The following TGFBI variants were observed in gnomAD, a reference collection of about 807,000 sequenced individuals.
TGFBI encodes the protein transforming growth factor beta induced, also known as transforming growth factor-beta-induced protein ig-h3.
TGFBI carries 50 observed loss-of-function variants against 73.7 expected under a neutral mutation model. That is an observed-to-expected ratio of 0.68 (90% CI 0.54 to 0.86). TGFBI has a LOEUF of 0.86. Among genes scored for constraint, TGFBI ranks in the 40% least tolerant of loss-of-function variants. The probability of loss-of-function intolerance (pLI) is 0.00; values close to 1 mark genes in which losing one functional copy is unlikely to be tolerated. For synonymous variants in TGFBI, 362 were observed against 360.5 expected (o/e 1.00, Z -0.05); for missense variants, 839 against 877.0 (o/e 0.96, Z 0.55).
chr5:136,035,295 C>T (rs1751197233), intron 2 of TGFBI, among the ~76,000 whole-genome samples: 1 of 152,158 alleles, frequency 6.6e-6, no homozygotes, highest in South Asian at 2.1e-4. Context: ...AATTATACAC[C>T]ACCCATTCTT....
chr5:136,055,916 A>G, intron 11 of TGFBI, 100 bp downstream of exon 11: 1 of 1,333,480 alleles, frequency 7.5e-7, no homozygotes, highest in Non-Finnish European at 1.0e-6. Context: ...TACCTTGGGG[A>G]TTCAATTAAC....
At chr5:136,056,272 A>G (rs1243762772) in intron 11 of TGFBI, among the ~76,000 whole-genome samples, 1 of 152,074 alleles carries the variant, frequency 6.6e-6, no homozygotes, top group Non-Finnish European at 1.5e-5. Context: ...GTGCTGTCAT[A>G]TTGAATGTTT....
chr5:136,054,678 C>T, intron 9 of TGFBI, 38 bp from the exon 10 acceptor site: 1 of 1,613,408 alleles, frequency 6.2e-7, no homozygotes, highest in Non-Finnish European at 8.5e-7. Context: ...ATTGCAGGAG[C>T]ACATCTCTCT....
At chr5:136,032,764 C>T (rs553263945) in intron 1 of TGFBI, among the ~76,000 whole-genome samples, 4 of 152,118 alleles carry the variant, frequency 2.6e-5, no homozygotes, top group Admixed American at 1.3e-4. Context: ...TGACTGACCA[C>T]GTAGCACAGC....
rs963866712 is a variant in TGFBI at position 136,063,540 on chromosome 5, G to A, written c.*314G>A. ...TGCCTATGCCAAGTCCCTGGAAAAG[G>A]AGCTTCAGTATTGTGGGGCTCATAA... On this transcript the variant is annotated 3_prime_UTR_variant, in exon 17 of 17. Transcript: ENST00000442011. 2.0e-5 allele frequency: 7 copies of A among 350,370 alleles called. No individual in the cohort carries two copies. In the South Asian group the frequency reaches 2.5e-4, roughly 12 times the overall value. 21.7% of individuals were successfully genotyped at this position (350,370 alleles called of 1,614,324 possible).
chr5:136,051,728 C>T (rs898241141), intron 7 of TGFBI, among the ~76,000 whole-genome samples: 3 of 152,214 alleles, frequency 2.0e-5, no homozygotes, highest in African/African-American at 7.2e-5. Context: ...CCTGGCCCTG[C>T]TCACCCTCCA....
chr5:136,052,887 T>C lies in TGFBI; in HGVS notation c.914-20T>C. Reference sequence around the variant, plus strand: ...TCGTGGAGTGGACCCTGACTTGACCTGAGTCTGTTTGGACCCCAGACCTGC... The same window carrying C: ...TCGTGGAGTGGACCCTGACTTGACCCGAGTCTGTTTGGACCCCAGACCTGC... On this transcript the variant is annotated intron_variant, in intron 7 of 16. Transcript: ENST00000442011. The C allele has an allele frequency of 6.2e-7, 1 of 1,610,934 alleles. No homozygotes were observed. The highest frequency in any genetic ancestry group is 2.2e-5 in the East Asian group (1 of 44,814).
Position 136,029,142 on chromosome 5 carries a change from C to G in TGFBI, c.87C>G (p.Pro29=). Residue 29 remains proline, a synonymous_variant, in exon 1 of 17, where the codon CCC becomes CCG. Transcript: ENST00000442011. Reference sequence around the variant, plus strand: ...CCCTGGCGGGTCCCGCCAAGTCGCCCTACCAGCTGGTGCTGCAGCACAGCA... The same window carrying G: ...CCCTGGCGGGTCCCGCCAAGTCGCCGTACCAGCTGGTGCTGCAGCACAGCA... ...AATLAGPAKS[P]YQLVLQHSRL... The G allele has an allele frequency of 6.6e-7, 1 of 1,524,754 alleles. No homozygotes were observed. The highest frequency in any genetic ancestry group is 8.7e-7 in the Non-Finnish European group (1 of 1,142,882). The allele number at this position is 1,524,754 out of a possible 1,614,324, so 94.5% of individuals were successfully genotyped here. A position where few individuals can be genotyped will look rare whatever the true frequency, so the allele number is the denominator to read the frequency against.
chr5:136,035,678 C>T (rs117753331), intron 2 of TGFBI, among the ~76,000 whole-genome samples: 6 of 151,458 alleles, frequency 4.0e-5, no homozygotes, highest in African/African-American at 1.5e-4. Flanking sequence ...TGATTTTTTC[C>T]CATGTGTGTA....
At chr5:136,062,229 A>C (rs1398154260) in intron 15 of TGFBI, among the ~76,000 whole-genome samples, 1 of 152,144 alleles carries the variant, frequency 6.6e-6, no homozygotes, top group Non-Finnish European at 1.5e-5. Flanking sequence ...GAAAGATTGC[A>C]CTTCAAGAGG....
intron 7 of TGFBI, among the ~76,000 whole-genome samples, chr5:136,051,312 C>T (rs866824186): frequency 6.6e-6 from 1 of 152,068 alleles, no homozygotes; most frequent in African/African-American, 2.4e-5. Context: ...CACCTGTAAT[C>T]CCAGCTACTC....
chr5:136,047,328 G>A lies in TGFBI; in HGVS notation c.679G>A (p.Gly227Arg), dbSNP rs761157035. 1.9e-6 allele frequency: 3 copies of A among 1,613,628 alleles called. No homozygotes were observed. The highest frequency in any genetic ancestry group is 2.7e-5 in the African/African-American group (2 of 74,856). The change falls in exon 6 of 17, where the codon GGG (glycine) becomes AGG (arginine). Residue 227 changes from glycine (G) to arginine (R), a missense_variant. Gly to Arg is a moderately radical substitution (Grantham distance 125). Coordinates refer to ENST00000442011, the MANE Select transcript of TGFBI (RefSeq NM_000358.3). Reference protein sequence around the residue: ...LLKADHHATNGVVHLIDKVIS... With the variant: ...LLKADHHATNRVVHLIDKVIS... ...GAAAGCCGACCACCATGCAACCAAC[G>A]GGGTGGTGCACCTCATCGATAAGGT...
At chr5:136,042,098 A>G (rs909307452) in intron 2 of TGFBI, among the ~76,000 whole-genome samples, 4 of 152,164 alleles carry the variant, frequency 2.6e-5, no homozygotes, top group African/African-American at 9.7e-5. Flanking sequence ...GGGGGACTTG[A>G]CCTAATCCCA....
At chr5:136,030,063 C>T (rs1751089584) in intron 1 of TGFBI, among the ~76,000 whole-genome samples, 1 of 152,190 alleles carries the variant, frequency 6.6e-6, no homozygotes, top group Non-Finnish European at 1.5e-5. Context: ...AAAACCAGGC[C>T]ATACCTGCGT....
intron 2 of TGFBI, among the ~76,000 whole-genome samples, chr5:136,042,677 A>C (rs1751360886): frequency 6.6e-6 from 1 of 151,948 alleles, no homozygotes; most frequent in Non-Finnish European, 1.5e-5. Flanking sequence ...CAAACAGGAA[A>C]AAAAAAGAAT....
In TGFBI at chr5:136,055,695, A is replaced by G; in HGVS notation, c.1426A>G (p.Asn476Asp). 6.2e-7 allele frequency: 1 copy of G among 1,607,524 alleles called. No homozygotes were observed. The change falls in exon 11 of 17, where the codon AAC becomes GAC. Residue 476 changes from asparagine to aspartate, a missense_variant. Physicochemically the swap from Asn to Asp is conservative, Grantham distance 23. Transcript: ENST00000442011. ...TTCTGTGCAGAGCCTCTGCATTGAGAACAGCTGCATCGCGGCCCACGACAA... is the reference window on the plus strand; with the variant it reads ...TTCTGTGCAGAGCCTCTGCATTGAGGACAGCTGCATCGCGGCCCACGACAA... ...FVYRNSLCIENSCIAAHDKRG... is the reference protein window; with the variant it reads ...FVYRNSLCIEDSCIAAHDKRG...
intron 8 of TGFBI, 133 bp from the exon 9 acceptor site, chr5:136,053,810 C>T: frequency 1.5e-6 from 2 of 1,324,698 alleles, no homozygotes; most frequent in Non-Finnish European, 2.1e-6. Context: ...CCCGCTGGGC[C>T]CCAGCAGTGT....
chr5:136,060,951 C>G lies in TGFBI; in HGVS notation c.1906+15C>G. ...GCAGCCTCCAGGTAAGTGTCGCATC[C>G]CCACTGACTCTGCAGCCAGTCCTTT... On this transcript the variant is annotated intron_variant, in intron 14 of 16. Coordinates refer to ENST00000442011, the MANE Select transcript of TGFBI (RefSeq NM_000358.3). The G allele has an allele frequency of 6.5e-7, 1 of 1,531,316 alleles. No individual in the cohort carries two copies. Among genetic ancestry groups the G allele is most frequent in the Non-Finnish European group, 8.9e-7 (1 of 1,129,474 alleles). 94.9% of individuals were successfully genotyped at this position (1,531,316 alleles called of 1,614,324 possible). A position where few individuals can be genotyped will look rare whatever the true frequency, so the allele number is the denominator to read the frequency against.
Position 136,059,106 on chromosome 5 carries a change from T to G in TGFBI, c.1695T>G (p.Leu565=). The part of the protein sequence containing the change: ...RSRLLGDAKE[L]ANILKYHIGD... ...AACCTGCAGGAGATGCCAAGGAACT[T>G]GCCAACATCCTGAAATACCACATTG... is the stretch of plus-strand genomic sequence containing the variant. The change falls in exon 13 of 17, where the codon CTT becomes CTG. Residue 565 remains leucine, a synonymous_variant. Transcript: ENST00000442011. The G allele has an allele frequency of 6.2e-7, 1 of 1,611,692 alleles. No individual in the cohort carries two copies. The highest frequency in any genetic ancestry group is 8.5e-7 in the Non-Finnish European group (1 of 1,179,078).
Sources: allele counts gnomAD v4.1 joint callset (sites outside exome capture counted in the v4.1 genomes callset), GRCh38; gene constraint gnomAD v4.1.1; transcripts MANE v1.5; gene names NCBI Gene and HGNC (gene_info 2026-07-23, HGNC 2026-07-21).